MATN2: variants seen among roughly 807,000 people sequenced by gnomAD.
The protein encoded by MATN2 is matrilin-2.
MATN2 carries 69 observed loss-of-function variants against 103.2 expected under a neutral mutation model. The ratio of observed to expected loss-of-function variants is 0.67; its 90% CI spans 0.55 to 0.82. The LOEUF (loss-of-function observed/expected upper bound fraction) is 0.82. MATN2 is among the 40% of genes least tolerant of loss of function. MATN2 has a pLI of 0.00. For synonymous variants in MATN2, 429 were observed against 450.2 expected (o/e 0.95, Z 0.60); for missense variants, 1,023 against 1,211.5 (o/e 0.84, Z 2.31).
intron 3 of MATN2, among the ~76,000 whole-genome samples, chr8:97,932,266 G>A (rs546845252): frequency 6.6e-6 from 1 of 152,254 alleles, no homozygotes; most frequent in Non-Finnish European, 1.5e-5. Flanking sequence ...AGGAATGGAA[G>A]GGCAGAAAAA....
At chr8:98,032,918 A>T in intron 16 of MATN2, 124 bp from the exon 17 acceptor site, 1 of 757,756 alleles carries the variant, frequency 1.3e-6, no homozygotes. Flanking sequence ...TTTTTGCTTC[A>T]GTATGTCCCA....
chr8:97,945,715 A>ATATATAT (rs554472078), intron 4 of MATN2, among the ~76,000 whole-genome samples: 869 of 71,716 alleles, frequency 0.012, 4 homozygotes, highest in East Asian at 0.028. Flanking sequence ...GAAAAAAAAA[A>ATATATAT]AAATATATAT....
At chr8:97,965,625 G>A (rs1055183896) in intron 5 of MATN2, among the ~76,000 whole-genome samples, 1 of 152,166 alleles carries the variant, frequency 6.6e-6, no homozygotes, top group Non-Finnish European at 1.5e-5. Flanking sequence ...CTTGAGCCCA[G>A]GTGTTCAAGA....
In MATN2 at chr8:98,032,170, T is replaced by C; in HGVS notation, c.2510-76T>C. Reference sequence around the variant, plus strand: ...ATGGCAGGTAGGTAAGGAGGTGGTCTGGGACCAGCTTCCTGAAGAACACAC... The same window carrying C: ...ATGGCAGGTAGGTAAGGAGGTGGTCCGGGACCAGCTTCCTGAAGAACACAC... On this transcript the variant is annotated intron_variant, in intron 15 of 18. Transcript: ENST00000254898. 5.0e-6 allele frequency: 6 copies of C among 1,211,960 alleles called. No individual in the cohort carries two copies. The South Asian group carries it at 8.0e-5, about 16-fold the overall frequency. 75.1% of individuals were successfully genotyped at this position (1,211,960 alleles called of 1,614,324 possible). A position where few individuals can be genotyped will look rare whatever the true frequency, so the allele number is the denominator to read the frequency against.
At chr8:98,034,924 A>G (rs1008326579) in intron 18 of MATN2, among the ~76,000 whole-genome samples, 29 of 151,876 alleles carry the variant, frequency 1.9e-4, no homozygotes, top group Non-Finnish European at 3.7e-4. Flanking sequence ...ATTAAAAAAA[A>G]AAAAAAAAAG....
At chr8:97,896,197 T>G (rs558847830) in intron 2 of MATN2, among the ~76,000 whole-genome samples, 26 of 152,354 alleles carry the variant, frequency 1.7e-4, no homozygotes, top group African/African-American at 5.5e-4. Context: ...CTTATTTGAA[T>G]GATTTCAATC....
In MATN2 at chr8:98,007,269, C is replaced by G; in HGVS notation, c.1450+42C>G. Reference sequence around the variant, plus strand: ...TCCTCTCATAGGGGAAGGTTTGCACCAGGAGTGAAACCTATGTGACTGCAG... The same window carrying G: ...TCCTCTCATAGGGGAAGGTTTGCACGAGGAGTGAAACCTATGTGACTGCAG... On this transcript the variant is annotated intron_variant, in intron 9 of 18. Transcript: ENST00000254898. This position sits in a 1 kb window ranked among gnomAD's most constrained non-coding sequence, Gnocchi z 4.2. 1 of 1,611,820 alleles carries G rather than the reference C, an allele frequency of 6.2e-7. No individual in the cohort carries two copies. The highest frequency in any genetic ancestry group is 8.5e-7 in the Non-Finnish European group (1 of 1,178,872).
At chr8:97,930,780 C>A (rs867396020) in intron 2 of MATN2, among the ~76,000 whole-genome samples, 173 bp from the exon 3 acceptor site, 3 of 152,066 alleles carry the variant, frequency 2.0e-5, no homozygotes, top group African/African-American at 7.2e-5. Context: ...CGCCACCACA[C>A]CCGGCTAATT....
chr8:97,970,004 C>T (rs1027223151), intron 5 of MATN2, among the ~76,000 whole-genome samples: 1 of 152,240 alleles, frequency 6.6e-6, no homozygotes, highest in Non-Finnish European at 1.5e-5. Flanking sequence ...GGGTTCTTGG[C>T]TTTGCCCAGG....
chr8:97,967,554 A>G (rs1477773309), intron 5 of MATN2, among the ~76,000 whole-genome samples: 2 of 152,258 alleles, frequency 1.3e-5, no homozygotes, highest in Admixed American at 6.5e-5. Flanking sequence ...CAATAGGACC[A>G]TACAACTTTG....
chr8:98,011,238 AC>A (rs1813147832), intron 10 of MATN2, among the ~76,000 whole-genome samples: 1 of 152,096 alleles, frequency 6.6e-6, no homozygotes, highest in Admixed American at 6.6e-5. Context: ...CCCCATCTAA[AC>A]CTAATTACCT....
intron 13 of MATN2, chr8:98,025,102 T>C (rs1055360544): frequency 6.6e-6 from 1 of 152,234 alleles, no homozygotes; most frequent in Non-Finnish European, 1.5e-5. Flanking sequence ...GCCACATGCA[T>C]GCTGCCTGAG....
At chr8:97,871,220 G>A (rs1817885699) in intron 1 of MATN2, among the ~76,000 whole-genome samples, 1 of 152,226 alleles carries the variant, frequency 6.6e-6, no homozygotes, top group African/African-American at 2.4e-5. Context: ...TTTGAAATAA[G>A]AGAGCCATTG....
At chr8:97,917,694 C>T (rs1809677992) in intron 2 of MATN2, among the ~76,000 whole-genome samples, 2 of 152,320 alleles carry the variant, frequency 1.3e-5, no homozygotes, top group East Asian at 1.9e-4. Context: ...TCACCTCCAT[C>T]TGGGTGTACA....
chr8:97,951,587 T>G (rs1810954219), intron 4 of MATN2, among the ~76,000 whole-genome samples: 2 of 152,182 alleles, frequency 1.3e-5, no homozygotes, highest in Admixed American at 6.5e-5. Context: ...GATGTCGATG[T>G]ACGCTGCAGT....
intron 2 of MATN2, among the ~76,000 whole-genome samples, chr8:97,901,350 T>C (rs985775662): frequency 1.4e-4 from 21 of 152,256 alleles, no homozygotes; most frequent in African/African-American, 4.6e-4. Context: ...CCTTTTGGGT[T>C]CCAGCGATTC....
At chr8:97,898,046 C>T (rs1212640136) in intron 2 of MATN2, among the ~76,000 whole-genome samples, 2 of 152,106 alleles carry the variant, frequency 1.3e-5, no homozygotes, top group South Asian at 2.1e-4. Context: ...CTTGATCTTT[C>T]CCTCTCCAGT....
At chr8:97,886,986 G>A (rs1818452900) in intron 1 of MATN2, among the ~76,000 whole-genome samples, 1 of 151,828 alleles carries the variant, frequency 6.6e-6, no homozygotes, top group Non-Finnish European at 1.5e-5. Context: ...TGCAGTCCTG[G>A]GTTCAAGTGA....
rs554472078 is a variant in MATN2 at position 97,945,715 on chromosome 8, A to ATAT, written c.835+3816_835+3817insTAT. Among the ~76,000 whole-genome samples, 248 of 71,756 alleles carry ATAT rather than the reference A, an allele frequency of 3.5e-3. 1 individual carries two copies. The highest frequency in any genetic ancestry group is 0.013 in the African/African-American group (216 of 16,872). The allele number at this position is 71,756 out of a possible 152,430, so 47.1% of individuals were successfully genotyped here. On this transcript the variant is annotated intron_variant, in intron 4 of 18. Coordinates refer to ENST00000254898, the MANE Select transcript of MATN2 (RefSeq NM_002380.5). ...CACATACACACTATAGAAAAAAAAA[A>ATAT]AAATATATATATATATATATAATCT...
Sources: gnomAD v4.1 joint callset for allele counts (sites outside exome capture counted in the v4.1 genomes callset) on GRCh38, gnomAD v4.1.1 for gene constraint, Gnocchi (gnomAD v3.1) non-coding constraint, MANE v1.5 for transcripts, NCBI Gene and HGNC (gene_info 2026-07-23, HGNC 2026-07-21) for gene names.